PLXDC2: variants seen among roughly 807,000 people sequenced by gnomAD.
PLXDC2 encodes the protein plexin domain-containing protein 2.
A neutral mutation model predicts 68.9 loss-of-function variants in PLXDC2; 40 were observed. The ratio of observed to expected loss-of-function variants is 0.58; its 90% CI spans 0.45 to 0.76. PLXDC2 has a LOEUF of 0.76. Among genes scored for constraint, PLXDC2 ranks in the 30% least tolerant of loss-of-function variants. The probability of loss-of-function intolerance (pLI) is 0.00; values close to 1 mark genes in which losing one functional copy is unlikely to be tolerated. For synonymous variants in PLXDC2, 243 were observed against 234.2 expected (o/e 1.04, Z -0.34); for missense variants, 644 against 661.9 (o/e 0.97, Z 0.30).
intron 1 of PLXDC2, among the ~76,000 whole-genome samples, chr10:19,866,447 G>A (rs1326656532): frequency 6.6e-6 from 1 of 152,088 alleles, no homozygotes; most frequent in Admixed American, 6.6e-5. Context: ...CTCCTGTTCT[G>A]CCTCTTTCTC....
At chr10:20,045,718 A>G (rs939710404) in intron 2 of PLXDC2, among the ~76,000 whole-genome samples, 1 of 152,170 alleles carries the variant, frequency 6.6e-6, no homozygotes, top group African/African-American at 2.4e-5. Context: ...CACTTAGATG[A>G]TAAATGAATT....
chr10:20,025,873 A>G (rs1835392166), intron 2 of PLXDC2, among the ~76,000 whole-genome samples: 1 of 151,758 alleles, frequency 6.6e-6, no homozygotes, highest in Non-Finnish European at 1.5e-5. Context: ...ATTGAGTAAT[A>G]ATTTTAATTT....
chr10:20,046,937 A>G lies in PLXDC2; in HGVS notation c.393A>G (p.Leu131=). ...YGPSDSASRD[L]WVNIDQMEKD... is the part of the protein sequence containing the mutation. ...CATCTGATTCTGCCAGCCGGGATTT[A>G]TGGGTGAACATAGACCAAATGGAAA... The change falls in exon 3 of 14, where the codon TTA becomes TTG. Residue 131 remains leucine (L), a synonymous_variant. Transcript: ENST00000377252. 6.2e-6 allele frequency: 10 copies of G among 1,612,890 alleles called. No individual in the cohort carries two copies. Among genetic ancestry groups the G allele is most frequent in the Non-Finnish European group, 8.5e-6 (10 of 1,179,334 alleles).
intron 1 of PLXDC2, among the ~76,000 whole-genome samples, chr10:19,865,016 G>A (rs1837388426): frequency 6.6e-6 from 1 of 152,188 alleles, no homozygotes; most frequent in South Asian, 2.1e-4. Flanking sequence ...TGATGTCTTA[G>A]GAAAAGGACC....
intron 13 of PLXDC2, among the ~76,000 whole-genome samples, chr10:20,250,801 A>T (rs981550588): frequency 1.3e-5 from 2 of 152,336 alleles, no homozygotes; most frequent in Middle Eastern, 3.4e-3. Flanking sequence ...CTTAGTAAAT[A>T]TTGCCAAAAG....
chr10:20,201,689 C>A (rs1834920142), intron 9 of PLXDC2, among the ~76,000 whole-genome samples: 1 of 152,026 alleles, frequency 6.6e-6, no homozygotes, highest in South Asian at 2.1e-4. Context: ...TTAACCTAAT[C>A]TGATCACTAT....
At chr10:19,963,061 C>T (rs1371940778) in intron 1 of PLXDC2, among the ~76,000 whole-genome samples, 5 of 151,906 alleles carry the variant, frequency 3.3e-5, no homozygotes, top group Non-Finnish European at 7.4e-5. Flanking sequence ...GCTCAGAGCC[C>T]TCCCTTCCCT....
At chr10:19,918,335 G>A (rs924704079) in intron 1 of PLXDC2, among the ~76,000 whole-genome samples, 3 of 152,176 alleles carry the variant, frequency 2.0e-5, no homozygotes, top group Non-Finnish European at 4.4e-5. Flanking sequence ...TTGAGAAAAT[G>A]CTTTGCAAAG....
At chr10:20,019,899 A>G (rs1835275963) in intron 2 of PLXDC2, among the ~76,000 whole-genome samples, 1 of 152,214 alleles carries the variant, frequency 6.6e-6, no homozygotes, top group Admixed American at 6.5e-5. Flanking sequence ...ACATTTTTCC[A>G]AAAGGGATCC....
chr10:20,251,975 C>T (rs1219212691), intron 13 of PLXDC2, among the ~76,000 whole-genome samples: 1 of 151,340 alleles, frequency 6.6e-6, no homozygotes, highest in African/African-American at 2.4e-5. Context: ...CTAAGAGTAC[C>T]TAATCCTGCC....
intron 9 of PLXDC2, among the ~76,000 whole-genome samples, chr10:20,196,179 C>A (rs911716262): frequency 1.3e-5 from 2 of 152,050 alleles, no homozygotes; most frequent in African/African-American, 2.4e-5. Flanking sequence ...CTCTCAACTC[C>A]GTCCTACCAA....
chr10:20,140,876 T>A (rs888731332), intron 4 of PLXDC2, among the ~76,000 whole-genome samples: 6 of 152,210 alleles, frequency 3.9e-5, no homozygotes, highest in African/African-American at 1.4e-4. Context: ...GTTTTTATTT[T>A]TTTTTTCATG....
intron 13 of PLXDC2, among the ~76,000 whole-genome samples, chr10:20,249,896 C>T (rs1835651198): frequency 6.6e-6 from 1 of 152,148 alleles, no homozygotes; most frequent in African/African-American, 2.4e-5. Flanking sequence ...TTGAGTATTT[C>T]ACAGTGAAAT....
At chr10:19,852,137 G>C (rs757508190) in intron 1 of PLXDC2, among the ~76,000 whole-genome samples, 1 of 152,046 alleles carries the variant, frequency 6.6e-6, no homozygotes, top group Non-Finnish European at 1.5e-5. Flanking sequence ...GGGCATGGTG[G>C]CTCACACATG....
chr10:20,044,639 C>G (rs1190347057), intron 2 of PLXDC2, among the ~76,000 whole-genome samples: 1 of 152,000 alleles, frequency 6.6e-6, no homozygotes, highest in Non-Finnish European at 1.5e-5. Context: ...ATGTGTTTGC[C>G]TCATCTTCAG....
At chr10:19,838,021 C>G (rs1836832138) in intron 1 of PLXDC2, among the ~76,000 whole-genome samples, 1 of 152,082 alleles carries the variant, frequency 6.6e-6, no homozygotes, top group Admixed American at 6.6e-5. Context: ...ATTTTTGAGA[C>G]AGGGTCTCAT....
chr10:19,883,424 G>A (rs554858117), intron 1 of PLXDC2, among the ~76,000 whole-genome samples: 2 of 152,056 alleles, frequency 1.3e-5, no homozygotes. Flanking sequence ...AGATTATTTT[G>A]TCCAGATTTA....
intron 9 of PLXDC2, 39 bp downstream of exon 9, chr10:20,177,448 A>G (rs1258750222): frequency 9.6e-7 from 1 of 1,038,598 alleles, no homozygotes; most frequent in Admixed American, 3.4e-5. Flanking sequence ...AAAATTTAAA[A>G]AGATATTTTA....
chr10:19,956,470 G>A (rs1308833167), intron 1 of PLXDC2, among the ~76,000 whole-genome samples: 8 of 152,122 alleles, frequency 5.3e-5, no homozygotes, highest in South Asian at 2.1e-4. Context: ...CTCCCATTCC[G>A]TTTCTATTGT....
Sources: allele counts gnomAD v4.1 joint callset (sites outside exome capture counted in the v4.1 genomes callset), GRCh38; gene constraint gnomAD v4.1.1; transcripts MANE v1.5; gene names NCBI Gene and HGNC (gene_info 2026-07-23, HGNC 2026-07-21).